MECOM: variants seen among roughly 807,000 people sequenced by gnomAD.
MECOM encodes histone-lysine N-methyltransferase MECOM.
Under a neutral mutation model 116.3 loss-of-function variants are expected in MECOM, and 13 were observed. That is an observed-to-expected ratio of 0.11 (90% CI 0.07 to 0.18). MECOM has a LOEUF of 0.18. MECOM is among the 10% of genes least tolerant of loss of function. MECOM has a pLI of 1.00. For missense variants in MECOM, 1,299 were observed against 1,509.0 expected (o/e 0.86, Z 2.31); for synonymous variants, 528 against 535.2 (o/e 0.99, Z 0.19).
intron 1 of MECOM, among the ~76,000 whole-genome samples, chr3:169,480,213 T>C (rs192518447): frequency 3.8e-4 from 58 of 152,350 alleles, no homozygotes; most frequent in Admixed American, 3.7e-3. Context: ...TTTTATTTAA[T>C]TGAAAGAGCT....
chr3:169,280,773 A>G (rs1280202310), intron 2 of MECOM, among the ~76,000 whole-genome samples: 3 of 152,204 alleles, frequency 2.0e-5, no homozygotes, highest in African/African-American at 7.2e-5. Context: ...TGTATTTTAG[A>G]CAGAAAGAAC....
intron 1 of MECOM, among the ~76,000 whole-genome samples, chr3:169,659,049 T>C (rs1775888196): frequency 6.9e-6 from 1 of 145,750 alleles, no homozygotes; most frequent in South Asian, 2.1e-4. Flanking sequence ...GAGAAATTGC[T>C]TACGACTCCT....
At chr3:169,095,706 T>G (rs1202397546) in intron 12 of MECOM, among the ~76,000 whole-genome samples, 1 of 152,204 alleles carries the variant, frequency 6.6e-6, no homozygotes, top group Non-Finnish European at 1.5e-5. Flanking sequence ...GTGCTAATCC[T>G]AAAGAAAATT....
At chr3:169,386,923 C>A (rs543930873) in intron 1 of MECOM, among the ~76,000 whole-genome samples, 6 of 152,210 alleles carry the variant, frequency 3.9e-5, no homozygotes, top group African/African-American at 1.4e-4. Flanking sequence ...ACTAAATATT[C>A]TTATTTGTCA....
chr3:169,431,398 C>T (rs1430671931), intron 1 of MECOM, among the ~76,000 whole-genome samples: 4 of 152,184 alleles, frequency 2.6e-5, no homozygotes, highest in Non-Finnish European at 5.9e-5. Flanking sequence ...CTAAAGTTGG[C>T]ACTGCCTACT....
At chr3:169,370,014 C>T (rs990033012) in intron 2 of MECOM, among the ~76,000 whole-genome samples, 1 of 151,900 alleles carries the variant, frequency 6.6e-6, no homozygotes, top group African/African-American at 2.4e-5. Context: ...GTATGCAACA[C>T]GTCAAGTGCA....
chr3:169,256,677 T>C (rs1484490366), intron 2 of MECOM, among the ~76,000 whole-genome samples: 1 of 152,230 alleles, frequency 6.6e-6, no homozygotes, highest in African/African-American at 2.4e-5. Flanking sequence ...ACTATCAACG[T>C]GTTTTAAGCT....
chr3:169,305,971 A>G (rs1220929157), intron 2 of MECOM, among the ~76,000 whole-genome samples: 1 of 152,128 alleles, frequency 6.6e-6, no homozygotes, highest in African/African-American at 2.4e-5. Context: ...AGAAAAACAT[A>G]TTTTGATTTC....
rs1776597763 is a variant in MECOM at position 169,663,481 on chromosome 3, T to TCTCC, written c.-110_-109insGGAG. 1.2e-5 allele frequency: 1 copy of TCTCC among 82,470 alleles called. No homozygotes were observed. The highest frequency in any genetic ancestry group is 1.2e-4 in the African/African-American group (1 of 8,326). The allele number at this position is 82,470 out of a possible 1,614,324, so 5.1% of individuals were successfully genotyped here. ...TCCCTCCCTCTCTCTCCTGTCTCTC[T>TCTCC]CTCTCTCTCTCTCTCTCTCTCTCTC... On this transcript the variant is annotated 5_prime_UTR_variant, in exon 1 of 17. Transcript: ENST00000651503.
At chr3:169,092,748 G>A (rs1720151714) in intron 14 of MECOM, among the ~76,000 whole-genome samples, 1 of 152,026 alleles carries the variant, frequency 6.6e-6, no homozygotes, top group Non-Finnish European at 1.5e-5. Flanking sequence ...AATTATAGTG[G>A]CTATCTCATA....
intron 2 of MECOM, among the ~76,000 whole-genome samples, chr3:169,186,281 G>A (rs775021561): frequency 5.3e-5 from 8 of 150,478 alleles, no homozygotes; most frequent in Non-Finnish European, 1.0e-4. Flanking sequence ...GAAGAAAGCT[G>A]GTCATGAGTA....
intron 2 of MECOM, among the ~76,000 whole-genome samples, chr3:169,188,161 C>T (rs1747018819): frequency 6.6e-6 from 1 of 151,968 alleles, no homozygotes; most frequent in Non-Finnish European, 1.5e-5. Flanking sequence ...TCTCTCAATA[C>T]CTGACAACCT....
At chr3:169,548,971 CTTTTT>C (rs756925389) in intron 1 of MECOM, among the ~76,000 whole-genome samples, 1 of 119,094 alleles carries the variant, frequency 8.4e-6, no homozygotes. Context: ...ATTTGTCTCT[CTTTTT>C]TTTTTTTTTT....
At chr3:169,628,666 G>A (rs1771680653) in intron 1 of MECOM, among the ~76,000 whole-genome samples, 1 of 152,214 alleles carries the variant, frequency 6.6e-6, no homozygotes, top group Non-Finnish European at 1.5e-5. Context: ...TGCAGTGGGA[G>A]TTCAGGGGCC....
At chr3:169,487,733 A>C (rs192431635) in intron 1 of MECOM, among the ~76,000 whole-genome samples, 65 of 151,286 alleles carry the variant, frequency 4.3e-4, no homozygotes, top group Admixed American at 2.2e-3. Context: ...AATTTATTTA[A>C]GAAACAAAAT....
intron 2 of MECOM, among the ~76,000 whole-genome samples, chr3:169,369,490 A>G (rs1729736272): frequency 6.6e-6 from 1 of 151,064 alleles, no homozygotes; most frequent in Admixed American, 6.6e-5. Context: ...GGGACTACAC[A>G]TATGTGTCAC....
chr3:169,549,144 T>C lies in MECOM; in HGVS notation c.37+114192A>G, dbSNP rs575438688. On this transcript the variant is annotated intron_variant, in intron 1 of 16. Coordinates refer to ENST00000651503, the MANE Select transcript of MECOM (RefSeq NM_004991.4). ...GCATGCCACCACACCCAGCTAATTA[T>C]TGTATTTTTAGTAGACAGGGTTACA... Among the ~76,000 whole-genome samples, 623 of 152,218 alleles carry C rather than the reference T, an allele frequency of 4.1e-3. 6 individuals carry two copies. Among genetic ancestry groups the C allele is most frequent in the African/African-American group, 0.014 (590 of 41,520 alleles).
intron 1 of MECOM, among the ~76,000 whole-genome samples, chr3:169,645,876 A>G (rs1182345173): frequency 6.6e-6 from 1 of 152,158 alleles, no homozygotes; most frequent in Non-Finnish European, 1.5e-5. Context: ...ATTGCTCTCC[A>G]CTACCTGAGT....
chr3:169,663,058 G>GCCCCCCC (rs1560552875), intron 1 of MECOM, among the ~76,000 whole-genome samples: 1 of 108,990 alleles, frequency 9.2e-6, no homozygotes, highest in Admixed American at 1.1e-4. Flanking sequence ...AGTCTTTGCT[G>GCCCCCCC]CCCCCACCCC....
Sources: gnomAD v4.1 joint callset for allele counts (sites outside exome capture counted in the v4.1 genomes callset) on GRCh38, gnomAD v4.1.1 for gene constraint, MANE v1.5 for transcripts, NCBI Gene and HGNC (gene_info 2026-07-23, HGNC 2026-07-21) for gene names.